Variants in ZBTB16 observed in about 807,000 individuals in gnomAD.
The protein encoded by ZBTB16 is zinc finger and BTB domain-containing protein 16.
ZBTB16 carries 8 observed loss-of-function variants against 56.8 expected under a neutral mutation model. The ratio of observed to expected loss-of-function variants is 0.14; its 90% confidence interval spans 0.08 to 0.25. ZBTB16 has a LOEUF of 0.25. Among genes scored for constraint, ZBTB16 ranks in the 10% least tolerant of loss-of-function variants. The pLI, the probability that ZBTB16 is intolerant of heterozygous loss-of-function variation, is 1.00. For missense variants in ZBTB16, 625 were observed against 903.0 expected (o/e 0.69, Z 3.95); for synonymous variants, 363 against 368.5 (o/e 0.98, Z 0.17).
At chr11:114,133,053 T>C (rs1017989644) in intron 2 of ZBTB16, among the ~76,000 whole-genome samples, 2 of 152,166 alleles carry the variant, frequency 1.3e-5, no homozygotes, top group African/African-American at 4.8e-5. Context: ...AAATACTTAG[T>C]GTCTGACTCT....
At chr11:114,157,718 C>A (rs191372108) in intron 3 of ZBTB16, among the ~76,000 whole-genome samples, 1 of 152,208 alleles carries the variant, frequency 6.6e-6, no homozygotes, top group Non-Finnish European at 1.5e-5. Context: ...GTCTCTCCCC[C>A]GGCCCTCATG....
intron 2 of ZBTB16, among the ~76,000 whole-genome samples, chr11:114,142,087 T>TA (rs1941965147): frequency 6.6e-6 from 1 of 152,234 alleles, no homozygotes; most frequent in Non-Finnish European, 1.5e-5. Flanking sequence ...CACTTGGGCT[T>TA]CTGGAGGTGA....
intron 2 of ZBTB16, among the ~76,000 whole-genome samples, chr11:114,095,950 C>T (rs1940390933): frequency 6.6e-6 from 1 of 152,146 alleles, no homozygotes; most frequent in Non-Finnish European, 1.5e-5. Flanking sequence ...TTTTCTCTCC[C>T]TGTAGGCTAT....
chr11:114,092,285 A>T (rs1218210728), intron 2 of ZBTB16, among the ~76,000 whole-genome samples: 2 of 152,184 alleles, frequency 1.3e-5, no homozygotes, highest in Non-Finnish European at 2.9e-5. Flanking sequence ...AGTTTGGCTT[A>T]GGGGAGAAGC....
intron 4 of ZBTB16, among the ~76,000 whole-genome samples, chr11:114,238,579 T>C (rs1374235790): frequency 2.0e-5 from 3 of 152,012 alleles, no homozygotes; most frequent in Non-Finnish European, 2.9e-5. Flanking sequence ...AGGCCCCACT[T>C]CCTAATACCA....
intron 2 of ZBTB16, among the ~76,000 whole-genome samples, chr11:114,104,287 T>A (rs1044311372): frequency 2.0e-5 from 3 of 152,178 alleles, no homozygotes; most frequent in African/African-American, 7.2e-5. Context: ...TGGTTTACCA[T>A]AACTGCAAGT....
At chr11:114,152,924 G>T (rs993112784) in intron 2 of ZBTB16, among the ~76,000 whole-genome samples, 21 of 152,334 alleles carry the variant, frequency 1.4e-4, no homozygotes, top group South Asian at 8.3e-4. Context: ...GAAGGAGGTG[G>T]ATAGAATTTC....
intron 2 of ZBTB16, among the ~76,000 whole-genome samples, chr11:114,071,653 A>G (rs1479790002): frequency 2.0e-5 from 3 of 152,218 alleles, no homozygotes; most frequent in Non-Finnish European, 4.4e-5. Context: ...GCCCAAGTAT[A>G]TATGACTTAG....
intron 3 of ZBTB16, among the ~76,000 whole-genome samples, chr11:114,165,719 C>G (rs1047296304): frequency 1.3e-5 from 2 of 152,054 alleles, no homozygotes; most frequent in African/African-American, 4.8e-5. Context: ...TTACTGGCTT[C>G]CGGGAGAACA....
chr11:114,106,842 GT>G (rs1468482423), intron 2 of ZBTB16, among the ~76,000 whole-genome samples: 2 of 152,130 alleles, frequency 1.3e-5, no homozygotes, highest in African/African-American at 4.8e-5. Flanking sequence ...CTTCCAAAAT[GT>G]TGTGACTTCC....
At chr11:114,090,046 C>T (rs184209415) in intron 2 of ZBTB16, among the ~76,000 whole-genome samples, 122 of 152,282 alleles carry the variant, frequency 8.0e-4, no homozygotes, top group Non-Finnish European at 1.2e-3. Context: ...AAGGGACATA[C>T]GGAGGTCATC....
intron 2 of ZBTB16, among the ~76,000 whole-genome samples, chr11:114,072,671 C>G (rs1939392444): frequency 6.6e-6 from 1 of 152,172 alleles, no homozygotes; most frequent in Non-Finnish European, 1.5e-5. Flanking sequence ...TCTGTAAGAC[C>G]TCTAGCTGTC....
At chr11:114,124,059 G>A (rs930962982) in intron 2 of ZBTB16, among the ~76,000 whole-genome samples, 16 of 143,684 alleles carry the variant, frequency 1.1e-4, no homozygotes, top group African/African-American at 4.1e-4. Context: ...CTGCTTTTAA[G>A]GTCACTCTGC....
At chr11:114,238,644 G>A (rs1158615166) in intron 4 of ZBTB16, among the ~76,000 whole-genome samples, 1 of 152,154 alleles carries the variant, frequency 6.6e-6, no homozygotes, top group African/African-American at 2.4e-5. Flanking sequence ...CCAGACATTA[G>A]GATCATAGCA....
intron 3 of ZBTB16, among the ~76,000 whole-genome samples, chr11:114,169,385 C>T (rs971852265): frequency 3.3e-5 from 5 of 152,180 alleles, no homozygotes; most frequent in African/African-American, 1.2e-4. Flanking sequence ...CTCTGACAGC[C>T]TCATCTTCCC....
chr11:114,067,561 C>T (rs1939163203), intron 2 of ZBTB16, among the ~76,000 whole-genome samples: 1 of 152,148 alleles, frequency 6.6e-6, no homozygotes, highest in Non-Finnish European at 1.5e-5. Flanking sequence ...TGTGTACCAC[C>T]ATGCCCGACT....
intron 3 of ZBTB16, among the ~76,000 whole-genome samples, chr11:114,164,560 C>T (rs539720586): frequency 1.3e-5 from 2 of 152,322 alleles, no homozygotes; most frequent in African/African-American, 2.4e-5. Context: ...GGGATATTTA[C>T]GTGGGATCAA....
At chr11:114,158,588 A>T (rs542919367) in intron 3 of ZBTB16, among the ~76,000 whole-genome samples, 1 of 152,290 alleles carries the variant, frequency 6.6e-6, no homozygotes, top group African/African-American at 2.4e-5. Flanking sequence ...TTATGGACTT[A>T]TCTCTCTTAC....
At chr11:114,062,104 CTTT>C (rs35612820) in intron 1 of ZBTB16, among the ~76,000 whole-genome samples, 1 of 143,808 alleles carries the variant, frequency 7.0e-6, no homozygotes, top group South Asian at 2.2e-4. Context: ...CACACACACA[CTTT>C]TTTTTTTTTT....
Sources: gnomAD v4.1 joint callset for allele counts (sites outside exome capture counted in the v4.1 genomes callset) on GRCh38, gnomAD v4.1.1 for gene constraint, MANE v1.5 for transcripts, NCBI Gene and HGNC (gene_info 2026-07-23, HGNC 2026-07-21) for gene names.